Variants in PRAM1 observed in about 807,000 individuals in gnomAD.
PRAM1 encodes the protein PML-RARA-regulated adapter molecule 1.
PRAM1 carries 41 observed loss-of-function variants against 55.3 expected under a neutral mutation model. The ratio of observed to expected loss-of-function variants is 0.74; its 90% CI spans 0.58 to 0.96. The LOEUF (loss-of-function observed/expected upper bound fraction) is 0.96. PRAM1 is among the 40% of genes least tolerant of loss of function. The probability of loss-of-function intolerance (pLI) is 0.00; values close to 1 mark genes in which losing one functional copy is unlikely to be tolerated. For missense variants in PRAM1, 898 were observed against 892.7 expected, an observed-to-expected ratio of 1.01 and a Z score of -0.08; for synonymous variants, 401 against 387.1, an observed-to-expected ratio of 1.04 and a Z score of -0.42.
chr19:8,491,126 C>A lies in PRAM1; in HGVS notation c.1608G>T (p.Arg536Ser). ...TGAGCGCTGGGTCTTGTGGTGGCCTCCTGGCGGCTTGCTGAACTGAGGGCG... is the reference window on the plus strand; with the variant it reads ...TGAGCGCTGGGTCTTGTGGTGGCCTACTGGCGGCTTGCTGAACTGAGGGCG... ...DEAPSVQQAA[R>S]RPPQDPALRK... The change falls in exon 5 of 10, where the codon AGG becomes AGT. Residue 536 changes from arginine to serine, a missense_variant. This residue lies in a region of PRAM1 where 787 missense variants were observed against 735.4 expected (regional missense o/e 1.07). Transcript: ENST00000423345. The A allele has an allele frequency of 1.2e-6, 2 of 1,612,078 alleles. No homozygotes were observed. The highest frequency in any genetic ancestry group is 1.7e-5 in the Admixed American group (1 of 59,986).
intron 4 of PRAM1, chr19:8,496,120 G>T (rs1054555927): frequency 4.4e-6 from 2 of 455,810 alleles, no homozygotes; most frequent in Admixed American, 2.4e-5. Context: ...AACACAACAG[G>T]TCTAAGTAAA....
Position 8,490,982 on chromosome 19 carries a change from G to C in PRAM1, c.1648C>G (p.Pro550Ala). ...QDPALRKEKD[P>A]QPQQLPPMDP... ...ATGGGTGGCAACTGCTGTGGCTGGG[G>C]ATCCTTCTCCTTCCTGATAGCCCCC... is the stretch of plus-strand genomic sequence containing the variant. Residue 550 changes from proline (P) to alanine (A), a missense_variant, in exon 6 of 10, where the codon CCC (proline) becomes GCC (alanine). Transcript: ENST00000423345. This position sits in a 1 kb window ranked among gnomAD's most constrained non-coding sequence, Gnocchi z 7.3. 3 of 1,613,272 alleles carry C rather than the reference G, an allele frequency of 1.9e-6. No homozygotes were observed. The highest frequency in any genetic ancestry group is 1.7e-6 in the Non-Finnish European group (2 of 1,179,886).
At chr19:8,496,156 CTG>C (rs1158615640) in intron 4 of PRAM1, 1 of 455,038 alleles carries the variant, frequency 2.2e-6, no homozygotes, top group Non-Finnish European at 4.4e-6. Context: ...TGGCTCACGC[CTG>C]AAATCTCAGC....
At chr19:8,498,177 T>C (rs761536223) in intron 3 of PRAM1, 46 bp downstream of exon 3, 15 of 1,585,244 alleles carry the variant, frequency 9.5e-6, no homozygotes, top group Non-Finnish European at 1.3e-5. Context: ...GAGGCCTCTT[T>C]GAGCCCCACA....
At chr19:8,494,741 C>T (rs1443791959) in intron 4 of PRAM1, among the ~76,000 whole-genome samples, 1 of 151,008 alleles carries the variant, frequency 6.6e-6, no homozygotes, top group Non-Finnish European at 1.5e-5. Context: ...AAGCGATTCT[C>T]CTGCCTCAGC....
chr19:8,500,385 A>G (rs1971790322), intron 1 of PRAM1, among the ~76,000 whole-genome samples: 1 of 151,396 alleles, frequency 6.6e-6, no homozygotes, highest in South Asian at 2.1e-4. Context: ...CCCTCCCCCA[A>G]CCAATTGCCT....
Position 8,498,213 on chromosome 19 carries a change from C to G in PRAM1, c.1499+10G>C. 2.5e-6 allele frequency: 4 copies of G among 1,610,990 alleles called. No homozygotes were observed. Among genetic ancestry groups the G allele is most frequent in the Non-Finnish European group, 3.4e-6 (4 of 1,179,218 alleles). ...ATCCGCACCCACCTCCGCTTCCTCC[C>G]CACACTCACTGCGGGATGTCTTCAG... On this transcript the variant is annotated intron_variant, in intron 3 of 9. Coordinates refer to ENST00000423345, the MANE Select transcript of PRAM1 (RefSeq NM_032152.5).
chr19:8,498,747 G>A lies in PRAM1; in HGVS notation c.1061C>T (p.Pro354Leu), dbSNP rs1192525020. ...KLLQPERRGP[P>L]RKFSQPEPSA... is the part of the protein sequence containing the mutation. ...GGGCTCAGGCTGTGAGAACTTGCGG[G>A]GTGGCCCCCGGCGCTCCGGCTGCAG... The change falls in exon 2 of 10, where the codon CCC becomes CTC. Residue 354 changes from proline to leucine, a missense_variant. Physicochemically the swap from Pro to Leu is moderately conservative, Grantham distance 98. Transcript: ENST00000423345. The A allele has an allele frequency of 6.3e-7, 1 of 1,576,218 alleles. No individual in the cohort carries two copies. The highest frequency in any genetic ancestry group is 1.2e-5 in the South Asian group (1 of 86,760).
At chr19:8,496,214 G>T in intron 4 of PRAM1, 1 of 409,900 alleles carries the variant, frequency 2.4e-6, no homozygotes, top group Non-Finnish European at 5.0e-6. Flanking sequence ...AGGAGTTCAA[G>T]GCCAGCCTGG....
In PRAM1 at chr19:8,499,771, G is replaced by C. The variant is rs940215579; in HGVS notation, c.37C>G (p.Gln13Glu). The change falls in exon 2 of 10, where the codon CAG becomes GAG. Residue 13 changes from glutamine (Q) to glutamate (E), a missense_variant. Gln to Glu is a conservative substitution (Grantham distance 29, BLOSUM62 2). Transcript: ENST00000423345. ...HHLPAAMESH[Q>E]DFRSIKAKFQ... ...TTTGCTTTGATGCTCCGGAAGTCCT[G>C]ATGGCTCTCCTAGGAGACGCAGAGC... 6.2e-7 allele frequency: 1 copy of C among 1,601,822 alleles called. No individual in the cohort carries two copies. Among genetic ancestry groups the C allele is most frequent in the African/African-American group, 1.3e-5 (1 of 74,462 alleles).
At chr19:8,498,200 C>T in intron 3 of PRAM1, 23 bp downstream of exon 3, 2 of 1,607,754 alleles carry the variant, frequency 1.2e-6, no homozygotes, top group Non-Finnish European at 1.7e-6. Context: ...CCGCACCCAC[C>T]TCCGCTTCCT....
In PRAM1 at chr19:8,493,873, T is replaced by C. The variant is rs1413087872; in HGVS notation, c.1577-2716A>G. ...AGTGCAGAGGTGCAATCTCGGCTCA[T>C]TGCAGCCTCCATCTCCTGGATTCAA... On this transcript the variant is annotated intron_variant, in intron 4 of 9. Coordinates refer to ENST00000423345, the MANE Select transcript of PRAM1 (RefSeq NM_032152.5). The surrounding 1 kb of genome is among the most constrained non-coding windows in gnomAD (Gnocchi z 4.1). 6.6e-6 allele frequency among the ~76,000 whole-genome samples: 1 copy of C among 151,958 alleles called. No individual in the cohort carries two copies. The highest frequency in any genetic ancestry group is 1.5e-5 in the Non-Finnish European group (1 of 67,966).
rs903902200 is a variant in PRAM1, at chr19:8,498,700, G to T, written c.1108C>A (p.Pro370Thr). The T allele has an allele frequency of 6.2e-7, 1 of 1,600,848 alleles. No homozygotes were observed. Among genetic ancestry groups the T allele is most frequent in the East Asian group, 2.3e-5 (1 of 44,154 alleles). ...AGATCACCGAAGAACTCAGGCTGCGGGTGTCTCTTGAGGACAGCGCTGGGC... is the reference window on the plus strand; with the variant it reads ...AGATCACCGAAGAACTCAGGCTGCGTGTGTCTCTTGAGGACAGCGCTGGGC... ...PEPSAVLKRH[P>T]QPEFFGDLPR... Residue 370 changes from proline (P) to threonine (T), a missense_variant, in exon 2 of 10, where the codon CCG becomes ACG. Pro to Thr is a conservative substitution (Grantham distance 38). Around this residue, in one of 4 missense-constraint regions of PRAM1, gnomAD observed 787 missense variants for 735.4 expected, o/e 1.07. Transcript: ENST00000423345.
Position 8,498,803 on chromosome 19 carries a change from C to G in PRAM1, c.1005G>C (p.Glu335Asp). ...ELGGLPRTSS[E>D]PEFNSLPRKL... The stretch of plus-strand genomic sequence containing the variant: ...TCCTGGGGAGTGAGTTGAACTCGGG[C>G]TCTGAGGAGGTCCTGGGGAGGCCGC... Residue 335 changes from glutamate (E) to aspartate (D), a missense_variant, in exon 2 of 10, where the codon GAG becomes GAC. Glu to Asp is a conservative substitution (Grantham distance 45). Around this residue, in one of 4 missense-constraint regions of PRAM1, gnomAD observed 787 missense variants for 735.4 expected, o/e 1.07. Coordinates refer to ENST00000423345, the MANE Select transcript of PRAM1 (RefSeq NM_032152.5). 2 of 1,582,354 alleles carry G rather than the reference C, an allele frequency of 1.3e-6. No homozygotes were observed. Among genetic ancestry groups the G allele is most frequent in the Non-Finnish European group, 1.7e-6 (2 of 1,164,864 alleles).
chr19:8,500,578 G>A (rs372338480), intron 1 of PRAM1, among the ~76,000 whole-genome samples: 3 of 152,096 alleles, frequency 2.0e-5, no homozygotes, highest in African/African-American at 7.2e-5. Context: ...AAAAGCCTGG[G>A]CGAACCAGCC....
Position 8,490,289 on chromosome 19 carries a change from C to T in PRAM1, c.1975+49G>A, listed in dbSNP as rs763238541. On this transcript the variant is annotated intron_variant, in intron 9 of 9. Coordinates refer to ENST00000423345, the MANE Select transcript of PRAM1 (RefSeq NM_032152.5). This position sits in a 1 kb window ranked among gnomAD's most constrained non-coding sequence, Gnocchi z 7.3. ...CAGAAGCCCAATAGTGAGCAGCGCC[C>T]CCGGGGAATCGCCAGGGTCCCTCCA... The T allele has an allele frequency of 6.2e-7, 1 of 1,613,826 alleles. No individual in the cohort carries two copies. Among genetic ancestry groups the T allele is most frequent in the Non-Finnish European group, 8.5e-7 (1 of 1,179,818 alleles).
Position 8,499,381 on chromosome 19 carries a change from G to T in PRAM1, c.427C>A (p.Pro143Thr). The T allele has an allele frequency of 6.2e-7, 1 of 1,613,026 alleles. No homozygotes were observed. Among genetic ancestry groups the T allele is most frequent in the Non-Finnish European group, 8.5e-7 (1 of 1,179,860 alleles). ...GCCTCACCGACCTCAGGCTGCAGGG[G>T]CTTCCTTGGAAACGGAGTGGCCCCC... ...QLGATPFPRK[P>T]LQPEVGEAPL... Residue 143 changes from proline to threonine, a missense_variant, in exon 2 of 10, where the codon CCC becomes ACC. Pro to Thr is a conservative substitution (Grantham distance 38). Around this residue, in one of 4 missense-constraint regions of PRAM1, gnomAD observed 787 missense variants for 735.4 expected, o/e 1.07. Coordinates refer to ENST00000423345, the MANE Select transcript of PRAM1 (RefSeq NM_032152.5).
At position 8,499,251 on chromosome 19, in the gene PRAM1, C is replaced by A; in HGVS notation, c.557G>T (p.Gly186Val). The A allele has an allele frequency of 6.2e-7, 1 of 1,611,236 alleles. No individual in the cohort carries two copies. The highest frequency in any genetic ancestry group is 8.5e-7 in the Non-Finnish European group (1 of 1,178,350). ...PARPPSEPKSGAFPRKLWQPE... is the reference protein window; with the variant it reads ...PARPPSEPKSVAFPRKLWQPE... ...TTGCCAGAGCTTCCTGGGGAATGCG[C>A]CGGATTTGGGTTCGGAGGGGGGTCT... The change falls in exon 2 of 10, where the codon GGC becomes GTC. Residue 186 changes from glycine to valine, a missense_variant. Physicochemically the swap from Gly to Val is moderately radical, Grantham distance 109. Around this residue, in one of 4 missense-constraint regions of PRAM1, gnomAD observed 787 missense variants for 735.4 expected, o/e 1.07. Coordinates refer to ENST00000423345, the MANE Select transcript of PRAM1 (RefSeq NM_032152.5).
At position 8,490,073 on chromosome 19, in the gene PRAM1, T is replaced by C. The variant is rs1747579282; in HGVS notation, c.*116A>G. Reference sequence around the variant, plus strand: ...GCAGGGACTGCTTTAAACTGGGGCTTTATGTGGCCAGGTACAAGCCCAGGC... The same window carrying C: ...GCAGGGACTGCTTTAAACTGGGGCTCTATGTGGCCAGGTACAAGCCCAGGC... On this transcript the variant is annotated 3_prime_UTR_variant, in exon 10 of 10. Coordinates refer to ENST00000423345, the MANE Select transcript of PRAM1 (RefSeq NM_032152.5). The surrounding 1 kb of genome is among the most constrained non-coding windows in gnomAD (Gnocchi z 7.3). The C allele has an allele frequency of 9.7e-7, 1 of 1,033,304 alleles. No homozygotes were observed. Among genetic ancestry groups the C allele is most frequent in the South Asian group, 1.7e-5 (1 of 59,734 alleles). 64.0% of individuals were successfully genotyped at this position (1,033,304 alleles called of 1,614,324 possible). A position where few individuals can be genotyped will look rare whatever the true frequency, so the allele number is the denominator to read the frequency against.
Sources: allele counts gnomAD v4.1 joint callset (sites outside exome capture counted in the v4.1 genomes callset), GRCh38; gene constraint gnomAD v4.1.1; regional missense constraint gnomAD v4.1.1; non-coding constraint Gnocchi (gnomAD v3.1); transcripts MANE v1.5; gene names NCBI Gene and HGNC (gene_info 2026-07-23, HGNC 2026-07-21).